The following STX11 variants were observed in gnomAD, a reference collection of about 807,000 sequenced individuals.
The protein encoded by STX11 is syntaxin 11.
A neutral mutation model predicts 19.9 loss-of-function variants in STX11; 21 were observed. That is an observed-to-expected ratio of 1.06 (90% confidence interval 0.75 to 1.52). The LOEUF (loss-of-function observed/expected upper bound fraction) is 1.52. Among genes scored for constraint, STX11 ranks in the 40% most tolerant of loss-of-function variants. The probability of loss-of-function intolerance (pLI) is 0.00; values close to 1 mark genes in which losing one functional copy is unlikely to be tolerated. For synonymous variants in STX11, 193 were observed against 174.4 expected, an observed-to-expected ratio of 1.11 and a Z score of -0.84; for missense variants, 438 against 405.9, an observed-to-expected ratio of 1.08 and a Z score of -0.68.
Position 144,167,584 on chromosome 6 carries a change from C to G in STX11, c.-6+16881C>G, listed in dbSNP as rs150347209. Among the ~76,000 whole-genome samples, 140 of 152,304 alleles carry G rather than the reference C, an allele frequency of 9.2e-4. 1 individual carries two copies. The highest frequency in any genetic ancestry group is 3.2e-3 in the African/African-American group (135 of 41,550). On this transcript the variant is annotated intron_variant, in intron 1 of 1. Coordinates refer to ENST00000367568, the MANE Select transcript of STX11 (RefSeq NM_003764.4). The surrounding 1 kb of genome is among the most constrained non-coding windows in gnomAD (Gnocchi z 5.0). Reference sequence around the variant, plus strand: ...TTCCTGACTCTGAATTTACATGCTGCTGATAAGCAATCACTTCTCCTTTTT... The same window carrying G: ...TTCCTGACTCTGAATTTACATGCTGGTGATAAGCAATCACTTCTCCTTTTT...
the STX11 span, among the ~76,000 whole-genome samples, chr6:144,143,535 A>G: frequency 1.3e-5 from 2 of 152,130 alleles, no homozygotes; most frequent in South Asian, 2.1e-4. Context: ...TGTAGAGAAG[A>G]CCACCTTAGA....
chr6:144,150,295 G>A (rs532791419), upstream of STX11, among the ~76,000 whole-genome samples: 1 of 152,238 alleles, frequency 6.6e-6, no homozygotes, highest in African/African-American at 2.4e-5. Context: ...CCCACTCCCC[G>A]CGCCGGTCCG....
intron 1 of STX11, among the ~76,000 whole-genome samples, chr6:144,156,275 G>A (rs780611588): frequency 6.6e-6 from 1 of 151,924 alleles, no homozygotes; most frequent in Non-Finnish European, 1.5e-5. Context: ...TGTTGGTCAG[G>A]CTGGTCTCCA....
At position 144,186,986 on chromosome 6, in the gene STX11, C is replaced by A. The variant is rs746418444; in HGVS notation, c.359C>A (p.Pro120Gln). 6.2e-7 allele frequency: 1 copy of A among 1,609,320 alleles called. No homozygotes were observed. The highest frequency in any genetic ancestry group is 1.1e-5 in the South Asian group (1 of 91,002). ...GAGGCGGCTGAGGCCCAGCACGGCC[C>A]GCACTCGGCAGTGGCGCGCATTTCG... ...LSEAAEAQHG[P>Q]HSAVARISRA... Residue 120 changes from proline (P) to glutamine (Q), a missense_variant, in exon 2 of 2, where the codon CCG (proline) becomes CAG (glutamine). Coordinates refer to ENST00000367568, the MANE Select transcript of STX11 (RefSeq NM_003764.4).
At position 144,187,358 on chromosome 6, in the gene STX11, T is replaced by C. The variant is rs1293601520; in HGVS notation, c.731T>C (p.Val244Ala). Residue 244 changes from valine to alanine, a missense_variant, in exon 2 of 2, where the codon GTC becomes GCC. Physicochemically the swap from Val to Ala is moderately conservative, Grantham distance 64 (BLOSUM62 0). Coordinates refer to ENST00000367568, the MANE Select transcript of STX11 (RefSeq NM_003764.4). This position sits in a 1 kb window ranked among gnomAD's most constrained non-coding sequence, Gnocchi z 5.6. ...LVEKQADTLN[V>A]IELNVQKTVD... ...GAGAAGCAGGCCGACACCCTGAACGTCATCGAGCTCAACGTACAAAAGACG... is the reference window on the plus strand; with the variant it reads ...GAGAAGCAGGCCGACACCCTGAACGCCATCGAGCTCAACGTACAAAAGACG... The C allele has an allele frequency of 6.2e-7, 1 of 1,610,300 alleles. No homozygotes were observed.
At chr6:144,179,765 CA>C (rs1361513425) in intron 1 of STX11, among the ~76,000 whole-genome samples, 20 of 152,338 alleles carry the variant, frequency 1.3e-4, no homozygotes, top group Admixed American at 1.2e-3. Context: ...AAGCCCAACA[CA>C]AAACCTCATT....
rs903972149 is a variant in STX11, at chr6:144,175,704, G to A, written c.-5-10919G>A. ...GGCACTGTGCAAGCTAGTCATTACA[G>A]GCTTTTTCTGCTCTCACCTTCTTTG... On this transcript the variant is annotated intron_variant, in intron 1 of 1. Coordinates refer to ENST00000367568, the MANE Select transcript of STX11 (RefSeq NM_003764.4). The surrounding 1 kb of genome is among the most constrained non-coding windows in gnomAD (Gnocchi z 5.1). Among the ~76,000 whole-genome samples the A allele has an allele frequency of 2.6e-5, 4 of 152,188 alleles. No individual in the cohort carries two copies. Among genetic ancestry groups the A allele is most frequent in the Admixed American group, 2.6e-4 (4 of 15,274 alleles).
rs1323819810 is a variant in STX11, at chr6:144,155,622, C to T, written c.-6+4919C>T. On this transcript the variant is annotated intron_variant, in intron 1 of 1. Coordinates refer to ENST00000367568, the MANE Select transcript of STX11 (RefSeq NM_003764.4). This position sits in a 1 kb window ranked among gnomAD's most constrained non-coding sequence, Gnocchi z 4.5. ...TGGCTAATATTTCATATCGGTTTGT[C>T]TTGGCTGTTCAATTCAACTGTGGTT... 1.3e-5 allele frequency among the ~76,000 whole-genome samples: 2 copies of T among 152,148 alleles called. No homozygotes were observed. Among genetic ancestry groups the T allele is most frequent in the Non-Finnish European group, 2.9e-5 (2 of 68,034 alleles).
At chr6:144,161,761 C>G (rs1460173373) in intron 1 of STX11, among the ~76,000 whole-genome samples, 3 of 152,178 alleles carry the variant, frequency 2.0e-5, no homozygotes, top group Admixed American at 2.0e-4. Context: ...CGTGCACCCA[C>G]CACTGTTAAC....
the STX11 span, among the ~76,000 whole-genome samples, chr6:144,140,247 TATATA>T: frequency 1.1e-4 from 5 of 46,362 alleles, no homozygotes; most frequent in South Asian, 8.7e-4. Context: ...TATATATATA[TATATA>T]TATTTATTTA....
At chr6:144,146,062 C>T (rs571786023), upstream of STX11, among the ~76,000 whole-genome samples, 184 of 152,306 alleles carry the variant, frequency 1.2e-3, 1 homozygote, top group African/African-American at 4.2e-3. This position sits in a 1 kb window ranked among gnomAD's most constrained non-coding sequence, Gnocchi z 4.4. Context: ...TTGCTGGTTA[C>T]TACATGGTAC....
rs371263633 is a variant in STX11 at position 144,179,609 on chromosome 6, A to G, written c.-5-7014A>G. Among the ~76,000 whole-genome samples the G allele has an allele frequency of 2.3e-3, 350 of 152,306 alleles. 1 individual carries two copies. Among genetic ancestry groups the G allele is most frequent in the African/African-American group, 8.0e-3 (331 of 41,572 alleles). ...AGAAAGGGGTACACAGGGTGACCCC[A>G]TGGGGCTGTGCAGGTTGTGATCTCA... On this transcript the variant is annotated intron_variant, in intron 1 of 1. Transcript: ENST00000367568.
rs1346760313 is a variant in STX11 at position 144,152,779 on chromosome 6, A to G, written c.-6+2076A>G. Among the ~76,000 whole-genome samples the G allele has an allele frequency of 2.0e-5, 3 of 152,148 alleles. No individual in the cohort carries two copies. The highest frequency in any genetic ancestry group is 7.2e-5 in the African/African-American group (3 of 41,432). On this transcript the variant is annotated intron_variant, in intron 1 of 1. Transcript: ENST00000367568. The surrounding 1 kb of genome is among the most constrained non-coding windows in gnomAD (Gnocchi z 4.9). The stretch of plus-strand genomic sequence containing the variant: ...GTCCCAAGTAGCTGGGACTACAGAC[A>G]CCCACCACAACACCCGGCTAATTTT...
chr6:144,141,497 T>C, the STX11 span, among the ~76,000 whole-genome samples: 1 of 152,218 alleles, frequency 6.6e-6, no homozygotes, highest in Non-Finnish European at 1.5e-5. Context: ...ATGATCTTAG[T>C]AAACAACAAG....
the STX11 span, among the ~76,000 whole-genome samples, chr6:144,142,319 A>C: frequency 6.6e-5 from 10 of 152,252 alleles, no homozygotes; most frequent in East Asian, 1.9e-3. Context: ...TGTACATTTA[A>C]AACAAGCTTC....
At chr6:144,147,616 C>T (rs1800900339), upstream of STX11, among the ~76,000 whole-genome samples, 1 of 152,150 alleles carries the variant, frequency 6.6e-6, no homozygotes, top group Non-Finnish European at 1.5e-5. This position sits in a 1 kb window ranked among gnomAD's most constrained non-coding sequence, Gnocchi z 4.2. Context: ...CTCACCTAAC[C>T]AACTGCCTTC....
At position 144,184,846 on chromosome 6, in the gene STX11, G is replaced by C. The variant is rs1801987418; in HGVS notation, c.-5-1777G>C. Among the ~76,000 whole-genome samples the C allele has an allele frequency of 6.6e-6, 1 of 151,998 alleles. No homozygotes were observed. Among genetic ancestry groups the C allele is most frequent in the Non-Finnish European group, 1.5e-5 (1 of 67,984 alleles). ...CTGTCTTTGGGTAAGTAGATTTTTT[G>C]GTAGCTTAGAAATATATATATTAAG... On this transcript the variant is annotated intron_variant, in intron 1 of 1. Transcript: ENST00000367568. This position sits in a 1 kb window ranked among gnomAD's most constrained non-coding sequence, Gnocchi z 6.5.
chr6:144,173,872 T>G (rs1397107771), intron 1 of STX11, among the ~76,000 whole-genome samples: 1 of 152,242 alleles, frequency 6.6e-6, no homozygotes, highest in Non-Finnish European at 1.5e-5. Context: ...TGCTATCTGG[T>G]GCCAAAGCCA....
In STX11 at chr6:144,154,938, CCCGCCCCCA is replaced by C. The variant is rs1188316788; in HGVS notation, c.-6+4241_-6+4249del. ...GTATTTTGACCAACAACCCTGTCCA[CCCGCCCCCA>C]CCGCCTCCAAAAAAATGATCCCAAC... On this transcript the variant is annotated intron_variant, in intron 1 of 1. Coordinates refer to ENST00000367568, the MANE Select transcript of STX11 (RefSeq NM_003764.4). The surrounding 1 kb of genome is among the most constrained non-coding windows in gnomAD (Gnocchi z 4.7). Among the ~76,000 whole-genome samples the C allele has an allele frequency of 4.6e-5, 7 of 152,048 alleles. No homozygotes were observed. In the East Asian group the frequency reaches 1.3e-3, roughly 29 times the overall value.
Sources: gnomAD v4.1 joint callset for allele counts (sites outside exome capture counted in the v4.1 genomes callset) on GRCh38, gnomAD v4.1.1 for gene constraint, Gnocchi (gnomAD v3.1) non-coding constraint, MANE v1.5 for transcripts, NCBI Gene and HGNC (gene_info 2026-07-23, HGNC 2026-07-21) for gene names.